RERE: variants seen among roughly 807,000 people sequenced by gnomAD.
RERE encodes the protein arginine-glutamic acid dipeptide repeats.
Under a neutral mutation model 146.1 loss-of-function variants are expected in RERE, and 40 were observed. The ratio of observed to expected loss-of-function variants is 0.27; its 90% CI spans 0.21 to 0.36. The LOEUF (loss-of-function observed/expected upper bound fraction) is 0.36, where lower values mean the gene tolerates loss of function less well. Ranked by LOEUF, RERE falls within the 10% of genes least tolerant of loss-of-function variation. RERE has a pLI of 1.00. For missense variants in RERE, 1,933 were observed against 2,138.7 expected (o/e 0.90, Z 1.90); for synonymous variants, 1,003 against 866.0 (o/e 1.16, Z -2.78).
intron 6 of RERE, among the ~76,000 whole-genome samples, chr1:8,556,174 C>T (rs75378805): frequency 6.6e-6 from 1 of 151,616 alleles, no homozygotes; most frequent in Non-Finnish European, 1.5e-5. Context: ...CACCCACATA[C>T]TTCAGCAAAC....
At chr1:8,433,059 T>A (rs772497118) in intron 11 of RERE, among the ~76,000 whole-genome samples, 1 of 152,234 alleles carries the variant, frequency 6.6e-6, no homozygotes, top group African/African-American at 2.4e-5. Context: ...GGAGATTATA[T>A]GCTGTATGCT....
At chr1:8,735,715 C>A (rs766192606) in intron 1 of RERE, among the ~76,000 whole-genome samples, 2 of 152,084 alleles carry the variant, frequency 1.3e-5, no homozygotes, top group South Asian at 2.1e-4. Flanking sequence ...CCCCTCGGTG[C>A]GAAGTTCCCA....
At chr1:8,545,495 C>A (rs1012293182) in intron 6 of RERE, among the ~76,000 whole-genome samples, 1 of 152,040 alleles carries the variant, frequency 6.6e-6, no homozygotes, top group Non-Finnish European at 1.5e-5. Flanking sequence ...CTTAAAATTA[C>A]CAATAACTGG....
At chr1:8,573,599 A>G (rs1020304794) in intron 4 of RERE, among the ~76,000 whole-genome samples, 1 of 152,174 alleles carries the variant, frequency 6.6e-6, no homozygotes, top group East Asian at 1.9e-4. Context: ...CTTGGTTGTA[A>G]TAAGTATTCC....
intron 6 of RERE, among the ~76,000 whole-genome samples, chr1:8,543,610 T>C (rs1406587787): frequency 6.6e-5 from 10 of 152,242 alleles, no homozygotes; most frequent in Non-Finnish European, 1.3e-4. Context: ...TTTATCAATC[T>C]TGGCACTAAT....
intron 8 of RERE, among the ~76,000 whole-genome samples, chr1:8,499,907 G>GTCA (rs1344118214): frequency 1.3e-5 from 2 of 152,100 alleles, no homozygotes; most frequent in Non-Finnish European, 2.9e-5. Flanking sequence ...ATCACCTGAG[G>GTCA]TCAGGAGTTC....
chr1:8,422,036 T>A (rs922945624), intron 12 of RERE, among the ~76,000 whole-genome samples: 1 of 152,178 alleles, frequency 6.6e-6, no homozygotes, highest in African/African-American at 2.4e-5. Flanking sequence ...TGAGAATGAA[T>A]CCCTTCCCCG....
At chr1:8,702,404 G>C (rs988662227) in intron 1 of RERE, among the ~76,000 whole-genome samples, 9 of 152,174 alleles carry the variant, frequency 5.9e-5, no homozygotes, top group African/African-American at 2.2e-4. Context: ...TCTCCCTACA[G>C]TTTCAGAAAA....
intron 2 of RERE, among the ~76,000 whole-genome samples, chr1:8,647,706 G>GA: frequency 6.7e-6 from 1 of 148,722 alleles, no homozygotes; most frequent in Non-Finnish European, 1.5e-5. Flanking sequence ...ACCACATCTT[G>GA]GTTTTGTTTT....
At chr1:8,470,788 TTC>T (rs1262324854) in intron 10 of RERE, among the ~76,000 whole-genome samples, 9 of 150,950 alleles carry the variant, frequency 6.0e-5, no homozygotes, top group African/African-American at 2.2e-4. Flanking sequence ...TCTGAGAAAA[TTC>T]TGAGACATCT....
At chr1:8,770,695 T>C (rs1640931924) in intron 1 of RERE, among the ~76,000 whole-genome samples, 1 of 152,234 alleles carries the variant, frequency 6.6e-6, no homozygotes, top group South Asian at 2.1e-4. Flanking sequence ...CCAAAATTGG[T>C]ACAATCTTTT....
rs368219880 is a variant in RERE at position 8,400,222 on chromosome 1, A to ATATATGTGTGTGTGTGTGTG, written c.1284+22504_1284+22505insCACACACACACACACATATA. Reference sequence around the variant, plus strand: ...CTCTTCCTTTCCATTCCTGTGTCATATGTGTGTGTGTGTGTGTGTGTGTGT... The same window carrying ATATATGTGTGTGTGTGTGTG: ...CTCTTCCTTTCCATTCCTGTGTCATATATATGTGTGTGTGTGTGTGTGTGTGTGTGTGTGTGTGTGTGTGT... On this transcript the variant is annotated intron_variant, in intron 12 of 22. Transcript: ENST00000400908. 2.8e-4 allele frequency among the ~76,000 whole-genome samples: 39 copies of ATATATGTGTGTGTGTGTGTG among 140,156 alleles called. No individual in the cohort carries two copies. The Middle Eastern group carries it at 0.011, about 39-fold the overall frequency. 91.9% of individuals were successfully genotyped at this position (140,156 alleles called of 152,430 possible).
At chr1:8,550,233 C>T (rs74050227) in intron 6 of RERE, among the ~76,000 whole-genome samples, 4,248 of 152,248 alleles carry the variant, frequency 0.028, 170 homozygotes, top group African/African-American at 0.096. Flanking sequence ...CAAGGGCAGA[C>T]GGAATATCTT....
chr1:8,493,091 AAAC>A (rs1017010292), intron 10 of RERE, among the ~76,000 whole-genome samples: 6 of 152,274 alleles, frequency 3.9e-5, no homozygotes, highest in South Asian at 2.1e-4. Flanking sequence ...CCTCAAGAAA[AAAC>A]AACAACAAAC....
At chr1:8,482,681 CAAAAAAAAA>C (rs35501735) in intron 10 of RERE, among the ~76,000 whole-genome samples, 3,117 of 51,244 alleles carry the variant, frequency 0.061, 108 homozygotes, top group African/African-American at 0.15. Context: ...GATTCTGTTG[CAAAAAAAAA>C]AAAAAAAAAA....
At chr1:8,765,318 A>T (rs1381540660) in intron 1 of RERE, among the ~76,000 whole-genome samples, 2 of 152,198 alleles carry the variant, frequency 1.3e-5, no homozygotes, top group African/African-American at 4.8e-5. Context: ...AAAGAAGATT[A>T]AGGGCTGCTT....
At chr1:8,500,725 G>C (rs943707402) in intron 8 of RERE, among the ~76,000 whole-genome samples, 2 of 151,852 alleles carry the variant, frequency 1.3e-5, no homozygotes, top group Non-Finnish European at 2.9e-5. Context: ...GGAAAGTGAG[G>C]AGCGTCTCTG....
At chr1:8,581,654 G>C (rs1646367298) in intron 4 of RERE, among the ~76,000 whole-genome samples, 2 of 152,104 alleles carry the variant, frequency 1.3e-5, no homozygotes, top group South Asian at 2.1e-4. Context: ...TTTTCACATA[G>C]GGATTATCCA....
chr1:8,530,847 G>A (rs1353712570), intron 7 of RERE, among the ~76,000 whole-genome samples: 26 of 150,544 alleles, frequency 1.7e-4, no homozygotes, highest in South Asian at 6.4e-4. Flanking sequence ...GCCCGCCACC[G>A]CGCCCGGCTA....
Sources: gnomAD v4.1 joint callset for allele counts (sites outside exome capture counted in the v4.1 genomes callset) on GRCh38, gnomAD v4.1.1 for gene constraint, MANE v1.5 for transcripts, NCBI Gene and HGNC (gene_info 2026-07-23, HGNC 2026-07-21) for gene names.